The following STXBP2 variants were observed in gnomAD, a reference collection of about 807,000 sequenced individuals.
STXBP2 encodes syntaxin-binding protein 2.
Under a neutral mutation model 72.2 loss-of-function variants are expected in STXBP2, and 47 were observed. The observed-to-expected ratio is 0.65, with a 90% CI of 0.51 to 0.83. The LOEUF (loss-of-function observed/expected upper bound fraction) is 0.83, where lower values mean the gene tolerates loss of function less well. STXBP2 is among the 40% of genes least tolerant of loss of function. The pLI is 0.00. For synonymous variants in STXBP2, 367 were observed against 338.7 expected (o/e 1.08, Z -0.92); for missense variants, 702 against 807.6 (o/e 0.87, Z 1.58).
chr19:7,647,726 C>G lies in STXBP2; in HGVS notation c.1698C>G (p.Gly566=). The G allele has an allele frequency of 6.2e-7, 1 of 1,614,124 alleles. No individual in the cohort carries two copies. Among genetic ancestry groups the G allele is most frequent in the Non-Finnish European group, 8.5e-7 (1 of 1,179,990 alleles). Residue 566 remains glycine (G), a splice_region_variant and synonymous_variant, in exon 19 of 19, where the codon GGC becomes GGG. Transcript: ENST00000221283. ...ATEGKWEVLI[G]SSHILTPTRF... The stretch of plus-strand genomic sequence containing the variant: ...CCCCAAACCTCTGCCCCTGCACAGG[C>G]TCCTCACACATCCTCACCCCGACCC...
At chr19:7,632,055 T>G, upstream of STXBP2, 2 of 510,832 alleles carry the variant, frequency 3.9e-6, no homozygotes, top group Non-Finnish European at 6.8e-6. This position sits in a 1 kb window ranked among gnomAD's most constrained non-coding sequence, Gnocchi z 5.2. Flanking sequence ...CAGATGTGAG[T>G]ATACAGATGT....
At chr19:7,634,387 G>A (rs1478715437), upstream of STXBP2, among the ~76,000 whole-genome samples, 1 of 152,154 alleles carries the variant, frequency 6.6e-6, no homozygotes, top group Non-Finnish European at 1.5e-5. Context: ...CTCTGCCCGA[G>A]CCTCCTCTGT....
Position 7,645,304 on chromosome 19 carries a change from G to A in STXBP2, c.1354G>A (p.Gly452Arg), listed in dbSNP as rs148777693. The A allele has an allele frequency of 1.6e-5, 26 of 1,580,606 alleles. No homozygotes were observed. The African/African-American group carries it at 2.7e-4, about 16-fold the overall frequency. ...GCTGGGAGGCACTGTCACCAACCCC[G>A]GGGTACGCCAGGAGCGGGCATGGGG... ...EQLGGTVTNP[G>R]GSGTSSRLEP... Residue 452 changes from glycine to arginine, a missense_variant and splice_region_variant, in exon 15 of 19, where the codon GGG (glycine) becomes AGG (arginine). Gly to Arg is a moderately radical substitution (Grantham distance 125). Coordinates refer to ENST00000221283, the MANE Select transcript of STXBP2 (RefSeq NM_006949.4).
intron 1 of STXBP2, 116 bp downstream of exon 1, chr19:7,637,302 G>A: frequency 2.0e-6 from 2 of 987,202 alleles, no homozygotes; most frequent in Non-Finnish European, 2.6e-6. Context: ...CGGGCTGGGC[G>A]TCCGAGCACC....
intron 4 of STXBP2, 189 bp downstream of exon 4, chr19:7,639,996 G>C (rs935412699): frequency 4.1e-6 from 3 of 724,854 alleles, no homozygotes; most frequent in Non-Finnish European, 7.2e-6. Context: ...GTTTGCATGT[G>C]TGTCTATGTA....
chr19:7,640,448 GTA>G (rs1339077416), intron 4 of STXBP2: 5 of 656,868 alleles, frequency 7.6e-6, no homozygotes, highest in Non-Finnish European at 1.1e-5. Context: ...GTGCATGTGT[GTA>G]TGTATGTGTG....
intron 15 of STXBP2, 177 bp from the exon 16 acceptor site, chr19:7,646,072 T>A (rs1037153714): frequency 1.6e-6 from 1 of 619,402 alleles, no homozygotes; most frequent in African/African-American, 1.8e-5. Flanking sequence ...CGTCTCTCTC[T>A]GGCTCACTGT....
At chr19:7,633,415 A>G, upstream of STXBP2, 1 of 1,571,612 alleles carries the variant, frequency 6.4e-7, no homozygotes, top group Non-Finnish European at 8.6e-7. Flanking sequence ...ACCTCGGCAC[A>G]GGGGCCTGAG....
chr19:7,639,840 G>A lies in STXBP2; in HGVS notation c.246+33G>A, dbSNP rs188150465. 1,969 of 1,593,846 alleles carry A rather than the reference G, an allele frequency of 1.2e-3. 15 individuals carry two copies. The highest frequency in any genetic ancestry group is 5.6e-4 in the South Asian group (51 of 90,292). On this transcript the variant is annotated intron_variant, in intron 4 of 18. Coordinates refer to ENST00000221283, the MANE Select transcript of STXBP2 (RefSeq NM_006949.4). ...CATGAGTGAGCGTGTGTGTATGCGC[G>A]TGCATGCGTGTACATGTGCATGTGT...
chr19:7,636,190 G>C (rs1366162111), upstream of STXBP2: 1 of 152,090 alleles, frequency 6.6e-6, no homozygotes, highest in African/African-American at 2.4e-5. Context: ...AAGTGGCAGG[G>C]GGCTTGGTAC....
In STXBP2 at chr19:7,647,349, C is replaced by A. The variant is rs772438137; in HGVS notation, c.1539-5C>A. ...GCCTGGACTTTCTGCCCCTGCCCTG[C>A]ACAGTGCCCGCTTCGGTCACTGGCA... is the stretch of plus-strand genomic sequence containing the variant. On this transcript the variant is annotated splice_polypyrimidine_tract_variant and splice_region_variant and intron_variant, in intron 17 of 18. Coordinates refer to ENST00000221283, the MANE Select transcript of STXBP2 (RefSeq NM_006949.4). 7 of 1,613,010 alleles carry A rather than the reference C, an allele frequency of 4.3e-6. No individual in the cohort carries two copies. Among genetic ancestry groups the A allele is most frequent in the African/African-American group, 1.3e-5 (1 of 74,924 alleles).
rs1205069718 is a variant in STXBP2 at position 7,647,425 on chromosome 19, A to G, written c.1610A>G (p.Tyr537Cys). 1.2e-5 allele frequency: 19 copies of G among 1,613,630 alleles called. No homozygotes were observed. The highest frequency in any genetic ancestry group is 1.4e-5 in the Non-Finnish European group (17 of 1,179,952). The stretch of plus-strand genomic sequence containing the variant: ...CGGGCGGGCCCCCGGCTCATCGTGT[A>G]TGTCATGGGCGGTGTGGCCATGTCA... Reference protein sequence around the residue: ...EARAGPRLIVYVMGGVAMSEM... With the variant: ...EARAGPRLIVCVMGGVAMSEM... Residue 537 changes from tyrosine to cysteine, a missense_variant, in exon 18 of 19, where the codon TAT becomes TGT. Physicochemically the swap from Tyr to Cys is radical, Grantham distance 194 (BLOSUM62 -2). Coordinates refer to ENST00000221283, the MANE Select transcript of STXBP2 (RefSeq NM_006949.4).
At chr19:7,630,735 A>G in the STXBP2 span, 1 of 1,532,188 alleles carries the variant, frequency 6.5e-7, no homozygotes, top group Non-Finnish European at 8.8e-7. Flanking sequence ...GCTGGGGACT[A>G]ATGTCTGCCT....
At position 7,642,563 on chromosome 19, in the gene STXBP2, C is replaced by T. The variant is rs1378303293; in HGVS notation, c.902+27C>T. The T allele has an allele frequency of 3.1e-6, 5 of 1,610,300 alleles. No homozygotes were observed. The East Asian group carries it at 6.7e-5, about 22-fold the overall frequency. On this transcript the variant is annotated intron_variant, in intron 10 of 18. Transcript: ENST00000221283. This position sits in a 1 kb window ranked among gnomAD's most constrained non-coding sequence, Gnocchi z 6.0. ...TGCGTGCACACGGGGACCGGATCCC[C>T]CCCCCACCGCCCACTGTGGGCCTGG...
At position 7,647,815 on chromosome 19, in the gene STXBP2, T is replaced by C. The variant is rs746851981; in HGVS notation, c.*5T>C. 1 of 1,587,458 alleles carries C rather than the reference T, an allele frequency of 6.3e-7. No homozygotes were observed. The highest frequency in any genetic ancestry group is 1.7e-5 in the Admixed American group (1 of 59,128). ...GAGGACATTGCCCTGCCCTGACCCC[T>C]GGCCCCGCCCCCTACCCCTCCCTTT... is the stretch of plus-strand genomic sequence containing the variant. On this transcript the variant is annotated 3_prime_UTR_variant, in exon 19 of 19. Coordinates refer to ENST00000221283, the MANE Select transcript of STXBP2 (RefSeq NM_006949.4).
rs140148806 is a variant in STXBP2 at position 7,645,196 on chromosome 19, G to C, written c.1247-1G>C. 2.9e-4 allele frequency: 455 copies of C among 1,559,180 alleles called. No individual in the cohort carries two copies. Among genetic ancestry groups the C allele is most frequent in the Non-Finnish European group, 3.7e-4 (420 of 1,150,636 alleles). ...CCACCCTGCCCATTCCCGTCCCCCAGGTGTGAGTGAGGAGAACCTGGCCAA... is the reference window on the plus strand; with the variant it reads ...CCACCCTGCCCATTCCCGTCCCCCACGTGTGAGTGAGGAGAACCTGGCCAA... On this transcript the variant is annotated splice_acceptor_variant, in intron 14 of 18. Transcript: ENST00000221283. LOFTEE classifies it high-confidence loss of function.
rs2031701647 is a variant in STXBP2 at position 7,639,537 on chromosome 19, C to G, written c.170-194C>G. ...TCTCCCTGTCTGTAAATTTGGGGAA[C>G]CCAGTTGGCTGCACAACCCCTGCAG... On this transcript the variant is annotated intron_variant, in intron 3 of 18. Transcript: ENST00000221283. 5 of 638,622 alleles carry G rather than the reference C, an allele frequency of 7.8e-6. No homozygotes were observed. In the South Asian group the frequency reaches 8.7e-5, roughly 11 times the overall value. 39.6% of individuals were successfully genotyped at this position (638,622 alleles called of 1,614,324 possible). A position where few individuals can be genotyped will look rare whatever the true frequency, so the allele number is the denominator to read the frequency against.
In STXBP2 at chr19:7,640,544, G is replaced by A. The variant is rs577072771; in HGVS notation, c.247-187G>A. 3.6e-3 allele frequency: 2,571 copies of A among 715,168 alleles called. 43 individuals carry two copies. The highest frequency in any genetic ancestry group is 0.032 in the African/African-American group (1,851 of 57,114). The allele number at this position is 715,168 out of a possible 1,614,324, so 44.3% of individuals were successfully genotyped here. A position where few individuals can be genotyped will look rare whatever the true frequency, so the allele number is the denominator to read the frequency against. On this transcript the variant is annotated intron_variant, in intron 4 of 18. Coordinates refer to ENST00000221283, the MANE Select transcript of STXBP2 (RefSeq NM_006949.4). ...TGCATGCGTGTGTATGTGTGTGTGC[G>A]TGCGTGCATCTGTGTGTGTGCGCGT... is the stretch of plus-strand genomic sequence containing the variant.
rs766615553 is a variant in STXBP2 at position 7,639,044 on chromosome 19, T to C, written c.113T>C (p.Met38Thr). ...GTGCTTATCATGGATCACCCAAGCA[T>C]GCGCATCTTGTCTTCCTGCTGCAAA... ...WKVLIMDHPSMRILSSCCKMS... is the reference protein window; with the variant it reads ...WKVLIMDHPSTRILSSCCKMS... The change falls in exon 3 of 19, where the codon ATG becomes ACG. Residue 38 changes from methionine to threonine, a missense_variant. By Grantham distance (81) the Met-to-Thr change is moderately conservative (BLOSUM62 -1). Coordinates refer to ENST00000221283, the MANE Select transcript of STXBP2 (RefSeq NM_006949.4). 4.3e-6 allele frequency: 7 copies of C among 1,614,242 alleles called. No individual in the cohort carries two copies. Among genetic ancestry groups the C allele is most frequent in the Non-Finnish European group, 5.9e-6 (7 of 1,180,038 alleles).
Sources: allele counts gnomAD v4.1 joint callset (sites outside exome capture counted in the v4.1 genomes callset), GRCh38; gene constraint gnomAD v4.1.1; non-coding constraint Gnocchi (gnomAD v3.1); transcripts MANE v1.5; gene names NCBI Gene and HGNC (gene_info 2026-07-23, HGNC 2026-07-21).